USE1: variants seen among roughly 807,000 people sequenced by gnomAD.
USE1 encodes the protein unconventional SNARE in the ER 1, also known as vesicle transport protein USE1.
Under a neutral mutation model 37.6 loss-of-function variants are expected in USE1, and 32 were observed. The ratio of observed to expected loss-of-function variants is 0.85; its 90% CI spans 0.64 to 1.14. USE1 has a LOEUF of 1.14. USE1 is among the 50% of genes most tolerant of loss of function. The probability of loss-of-function intolerance (pLI) is 0.00; values close to 1 mark genes in which losing one functional copy is unlikely to be tolerated. For synonymous variants in USE1, 149 were observed against 137.6 expected, an observed-to-expected ratio of 1.08 and a Z score of -0.58; for missense variants, 310 against 332.2, an observed-to-expected ratio of 0.93 and a Z score of 0.52.
At chr19:17,217,205 G>A (rs1338298955) in intron 4 of USE1, among the ~76,000 whole-genome samples, 1 of 150,222 alleles carries the variant, frequency 6.7e-6, no homozygotes, top group African/African-American at 2.4e-5. Context: ...GCGCGATCTC[G>A]GCTCACTGCA....
rs528918393 is a variant in USE1, at chr19:17,219,775, A to G, written c.742A>G (p.Met248Val). The change falls in exon 8 of 8, where the codon ATG becomes GTG. Residue 248 changes from methionine (M) to valine (V), a missense_variant. Transcript: ENST00000263897. ...TATCGTCTGCTTCATCTTCATTAGC[A>G]TGATCCTCTTCATTCGAATCATGCC... is the stretch of plus-strand genomic sequence containing the variant. ...LIIVCFIFIS[M>V]ILFIRIMPKL... 3.1e-6 allele frequency: 5 copies of G among 1,608,928 alleles called. No homozygotes were observed. In the East Asian group the frequency reaches 8.9e-5, roughly 29 times the overall value.
Position 17,216,061 on chromosome 19 carries a change from C to A in USE1, c.222C>A (p.Ala74=). 6.2e-7 allele frequency: 1 copy of A among 1,612,470 alleles called. No homozygotes were observed. The highest frequency in any genetic ancestry group is 8.5e-7 in the Non-Finnish European group (1 of 1,179,288). The stretch of plus-strand genomic sequence containing the variant: ...ATTTTCTGAAGGGGATGCTGCAAGC[C>A]GAGAAGCTGGTGAGAAGGGGTGCCC... ...KVDFLKGMLQ[A]EKLTSSSEKA... is the part of the protein sequence containing the mutation. The change falls in exon 3 of 8, where the codon GCC becomes GCA. Residue 74 remains alanine, a synonymous_variant. Coordinates refer to ENST00000263897, the MANE Select transcript of USE1 (RefSeq NM_018467.4).
At chr19:17,218,321 A>G (rs754912207) in intron 5 of USE1, 43 bp from the exon 6 acceptor site, 9 of 1,613,260 alleles carry the variant, frequency 5.6e-6, no homozygotes, top group Non-Finnish European at 6.8e-6. Context: ...CGGAAACGGG[A>G]AACCAACACT....
At chr19:17,217,323 A>G (rs1046651379) in intron 4 of USE1, 130 bp from the exon 5 acceptor site, 13 of 1,017,088 alleles carry the variant, frequency 1.3e-5, no homozygotes, top group Middle Eastern at 2.3e-4. Flanking sequence ...TTTAGTAGAG[A>G]TGGAATTTCA....
intron 3 of USE1, 34 bp from the exon 4 acceptor site, chr19:17,216,135 C>G (rs900911427): frequency 1.2e-6 from 2 of 1,613,324 alleles, no homozygotes; most frequent in Non-Finnish European, 1.7e-6. Flanking sequence ...CAGGACCTGC[C>G]CCTCCAGTGA....
chr19:17,216,998 T>C (rs554566705), intron 4 of USE1, among the ~76,000 whole-genome samples: 2 of 151,048 alleles, frequency 1.3e-5, no homozygotes, highest in East Asian at 1.9e-4. Context: ...AAATATGAGT[T>C]GTCGTTACCA....
chr19:17,219,524 G>A, intron 7 of USE1, 107 bp from the exon 8 acceptor site: 1 of 1,452,014 alleles, frequency 6.9e-7, no homozygotes, highest in Non-Finnish European at 9.2e-7. Context: ...TCCCAGCAGA[G>A]GGCACAGCAC....
At chr19:17,217,362 C>T in intron 4 of USE1, 91 bp from the exon 5 acceptor site, 1 of 1,454,292 alleles carries the variant, frequency 6.9e-7, no homozygotes, top group South Asian at 1.2e-5. Context: ...TCTCGAACTT[C>T]TGACCTCAGG....
intron 1 of USE1, 87 bp from the exon 2 acceptor site, chr19:17,215,715 C>T: frequency 1.6e-6 from 2 of 1,249,536 alleles, no homozygotes; most frequent in African/African-American, 2.9e-5. Flanking sequence ...ACGCTTGACC[C>T]CTCCCATTTG....
In USE1 at chr19:17,219,319, C is replaced by G. The variant is rs749768029; in HGVS notation, c.529C>G (p.Leu177Val). Residue 177 changes from leucine (L) to valine (V), a missense_variant, in exon 7 of 8, where the codon CTA becomes GTA. By Grantham distance (32) the Leu-to-Val change is conservative (BLOSUM62 1). Transcript: ENST00000263897. ...CCAGGAAAAGCTGGCGGAAGAGATG[C>G]TAGGACTGGCCCGGAGCCTCAAGAC... The part of the protein sequence containing the change: ...NLQEKLAEEM[L>V]GLARSLKTNT... 1.2e-6 allele frequency: 2 copies of G among 1,608,106 alleles called. No homozygotes were observed. Among genetic ancestry groups the G allele is most frequent in the Non-Finnish European group, 1.7e-6 (2 of 1,177,376 alleles).
intron 6 of USE1, 77 bp from the exon 7 acceptor site, chr19:17,219,136 A>G: frequency 1.3e-6 from 2 of 1,510,794 alleles, no homozygotes; most frequent in Non-Finnish European, 1.8e-6. Flanking sequence ...CAAAAAAAAA[A>G]AAAAAGAAAA....
Position 17,215,445 on chromosome 19 carries a change from C to T in USE1, c.40C>T (p.Leu14=). ...SRLELNLVRL[L]SRCEAMAAEK... ...GCTGGAGCTAAACCTGGTGCGGCTG[C>T]TATCCCGCTGCGAGGCGATGGCAGC... is the stretch of plus-strand genomic sequence containing the variant. Residue 14 remains leucine (L), a synonymous_variant, in exon 1 of 8, where the codon CTA becomes TTA. Transcript: ENST00000263897. 2 of 1,563,182 alleles carry T rather than the reference C, an allele frequency of 1.3e-6. No individual in the cohort carries two copies. Among genetic ancestry groups the T allele is most frequent in the Non-Finnish European group, 1.7e-6 (2 of 1,155,466 alleles).
Position 17,218,673 on chromosome 19 carries a change from A to T in USE1, c.422+282A>T, listed in dbSNP as rs745933983. On this transcript the variant is annotated intron_variant, in intron 6 of 7. Coordinates refer to ENST00000263897, the MANE Select transcript of USE1 (RefSeq NM_018467.4). ...AAACCCTGTCTCTACTAAAAATACA[A>T]AAAATTAGCCGGGCATGGTGGCATG... 1.3e-5 allele frequency: 4 copies of T among 311,008 alleles called. No individual in the cohort carries two copies. In the South Asian group the frequency reaches 1.9e-4, roughly 14 times the overall value. The allele number at this position is 311,008 out of a possible 1,614,324, so 19.3% of individuals were successfully genotyped here.
chr19:17,216,812 T>C (rs2073293374), intron 4 of USE1, among the ~76,000 whole-genome samples: 2 of 151,980 alleles, frequency 1.3e-5, no homozygotes. Flanking sequence ...AACCCCGTCT[T>C]TAGTAAAAAT....
chr19:17,215,409 G>A lies in USE1; in HGVS notation c.4G>A (p.Ala2Thr). The change falls in exon 1 of 8, where the codon GCG (alanine) becomes ACG (threonine). Residue 2 changes from alanine (A) to threonine (T), a missense_variant. By Grantham distance (58) the Ala-to-Thr change is moderately conservative (BLOSUM62 0). Transcript: ENST00000263897. ...GGTGGTGTAGGGCCGGGCGATAATG[G>A]CGGCGTCGAGGCTGGAGCTAAACCT... M[A>T]ASRLELNLVR... The A allele has an allele frequency of 6.4e-7, 1 of 1,557,168 alleles. No individual in the cohort carries two copies. Among genetic ancestry groups the A allele is most frequent in the Non-Finnish European group, 8.7e-7 (1 of 1,151,734 alleles).
chr19:17,215,626 T>TC, intron 1 of USE1, 119 bp downstream of exon 1: 1 of 1,382,526 alleles, frequency 7.2e-7, no homozygotes, highest in East Asian at 2.5e-5. Flanking sequence ...CCCTTTCCGG[T>TC]CAGTCCCGCC....
In USE1 at chr19:17,216,210, C is replaced by T; in HGVS notation, c.273C>T (p.Ala91=). ...SEKALANQFL[A]PGRVPTTARE... is the part of the protein sequence containing the mutation. ...AAGCACTGGCCAACCAGTTCCTGGC[C>T]CCTGGCCGTGTGCCAACCACAGCCA... The change falls in exon 4 of 8, where the codon GCC becomes GCT. Residue 91 remains alanine, a synonymous_variant. Coordinates refer to ENST00000263897, the MANE Select transcript of USE1 (RefSeq NM_018467.4). The T allele has an allele frequency of 6.2e-7, 1 of 1,612,860 alleles. No individual in the cohort carries two copies. Among genetic ancestry groups the T allele is most frequent in the Non-Finnish European group, 8.5e-7 (1 of 1,179,740 alleles).
chr19:17,217,910 T>C, intron 5 of USE1: 4 of 297,516 alleles, frequency 1.3e-5, no homozygotes, highest in South Asian at 5.4e-5. Flanking sequence ...AGACTCCGTC[T>C]CAAAAAAAAA....
chr19:17,219,735 C>T lies in USE1; in HGVS notation c.702C>T (p.Leu234=). The T allele has an allele frequency of 6.2e-7, 1 of 1,613,234 alleles. No individual in the cohort carries two copies. The highest frequency in any genetic ancestry group is 8.5e-7 in the Non-Finnish European group (1 of 1,179,394). ...QHTQKSVNWL[L]WAMLIIVCFI... is the part of the protein sequence containing the mutation. ...CGCAGAAGTCAGTCAACTGGCTGCT[C>T]TGGGCCATGCTCATTATCGTCTGCT... The change falls in exon 8 of 8, where the codon CTC becomes CTT. Residue 234 remains leucine, a synonymous_variant. Coordinates refer to ENST00000263897, the MANE Select transcript of USE1 (RefSeq NM_018467.4).
Sources: allele counts gnomAD v4.1 joint callset (sites outside exome capture counted in the v4.1 genomes callset), GRCh38; gene constraint gnomAD v4.1.1; transcripts MANE v1.5; gene names NCBI Gene and HGNC (gene_info 2026-07-23, HGNC 2026-07-21).